TGFBR2: variants seen among roughly 807,000 people sequenced by gnomAD.
The protein encoded by TGFBR2 is TGF-beta receptor type-2.
A neutral mutation model predicts 49.0 loss-of-function variants in TGFBR2; 18 were observed. The observed-to-expected ratio is 0.37, with a 90% CI of 0.25 to 0.54. TGFBR2 has a LOEUF of 0.54. Ranked by LOEUF, TGFBR2 falls within the 20% of genes least tolerant of loss-of-function variation. The pLI is 0.85. For synonymous variants in TGFBR2, 282 were observed against 275.9 expected, an observed-to-expected ratio of 1.02 and a Z score of -0.22; for missense variants, 525 against 722.6, an observed-to-expected ratio of 0.73 and a Z score of 3.13.
In TGFBR2 at chr3:30,622,879, C is replaced by CAAA. The variant is rs10575244; in HGVS notation, c.94+15927_94+15929dup. Among the ~76,000 whole-genome samples, 310 of 75,658 alleles carry CAAA rather than the reference C, an allele frequency of 4.1e-3. 6 individuals carry two copies. The highest frequency in any genetic ancestry group is 0.021 in the Middle Eastern group (2 of 94). The allele number at this position is 75,658 out of a possible 152,430, so 49.6% of individuals were successfully genotyped here. A position where few individuals can be genotyped will look rare whatever the true frequency, so the allele number is the denominator to read the frequency against. ...TGGGCAACAGAGCGAGACTTTGTCTCAAAAAAAAAAAAAAAAAAAAAAAAA... is the reference window on the plus strand; with the variant it reads ...TGGGCAACAGAGCGAGACTTTGTCTCAAAAAAAAAAAAAAAAAAAAAAAAAAAA... On this transcript the variant is annotated intron_variant, in intron 1 of 6. Transcript: ENST00000295754.
At chr3:30,668,366 G>A (rs913011706) in intron 3 of TGFBR2, among the ~76,000 whole-genome samples, 4 of 152,172 alleles carry the variant, frequency 2.6e-5, no homozygotes, top group African/African-American at 7.2e-5. Flanking sequence ...CACAGAGACC[G>A]GAGACAAGTG....
At chr3:30,659,960 G>T (rs1172434275) in intron 3 of TGFBR2, among the ~76,000 whole-genome samples, 1 of 152,048 alleles carries the variant, frequency 6.6e-6, no homozygotes, top group Non-Finnish European at 1.5e-5. Context: ...TACTCCAGAG[G>T]CTGTATTCAC....
At chr3:30,609,292 T>C (rs148995136) in intron 1 of TGFBR2, among the ~76,000 whole-genome samples, 4 of 152,352 alleles carry the variant, frequency 2.6e-5, no homozygotes, top group Non-Finnish European at 5.9e-5. Context: ...TAATTTTTCA[T>C]GTAAGTAAAT....
intron 3 of TGFBR2, among the ~76,000 whole-genome samples, chr3:30,658,347 A>T (rs920743490): frequency 1.2e-4 from 18 of 152,198 alleles, no homozygotes; most frequent in Admixed American, 1.2e-3. Flanking sequence ...TCCATTTGTC[A>T]TAATTATAGC....
At chr3:30,628,061 T>G (rs769736917) in intron 1 of TGFBR2, among the ~76,000 whole-genome samples, 41 of 151,866 alleles carry the variant, frequency 2.7e-4, no homozygotes, top group Admixed American at 5.2e-4. Context: ...AAATACTACT[T>G]AGTAGTGCAC....
At chr3:30,624,157 TAAAC>T (rs1165951828) in intron 1 of TGFBR2, among the ~76,000 whole-genome samples, 3 of 151,018 alleles carry the variant, frequency 2.0e-5, no homozygotes, top group African/African-American at 4.9e-5. Flanking sequence ...AACAAACAAA[TAAAC>T]AAAATATAGA....
At chr3:30,677,958 T>C (rs1354439746) in intron 5 of TGFBR2, among the ~76,000 whole-genome samples, 1 of 152,268 alleles carries the variant, frequency 6.6e-6, no homozygotes, top group Non-Finnish European at 1.5e-5. Context: ...GGGAAGGATG[T>C]AAAAGGTCTT....
intron 5 of TGFBR2, among the ~76,000 whole-genome samples, chr3:30,683,721 A>T (rs17026240): frequency 0.12 from 18,983 of 152,260 alleles, 1,316 homozygotes; most frequent in East Asian, 0.32. Context: ...TTGGACCCAA[A>T]GATTTTGCCA....
intron 3 of TGFBR2, chr3:30,661,629 A>C (rs1396110659): frequency 3.9e-6 from 2 of 511,288 alleles, no homozygotes; most frequent in African/African-American, 3.9e-5. Flanking sequence ...TGAAGACCCC[A>C]GGGTTTAGAG....
intron 5 of TGFBR2, among the ~76,000 whole-genome samples, chr3:30,677,830 TG>T (rs1428771586): frequency 6.6e-6 from 1 of 152,224 alleles, no homozygotes; most frequent in Admixed American, 6.5e-5. Context: ...AACAGTTGTT[TG>T]TTTCCTCTCC....
chr3:30,608,412 T>A (rs1000540768), intron 1 of TGFBR2, among the ~76,000 whole-genome samples: 8 of 152,124 alleles, frequency 5.3e-5, no homozygotes, highest in African/African-American at 1.9e-4. Context: ...ACATCTTACG[T>A]ATCGTGCCCC....
chr3:30,647,426 G>A (rs949692330), intron 2 of TGFBR2, among the ~76,000 whole-genome samples: 2 of 152,098 alleles, frequency 1.3e-5, no homozygotes, highest in East Asian at 3.9e-4. Flanking sequence ...AACTCTCACA[G>A]CCTCAAGGTC....
chr3:30,688,903 A>G (rs1336250113), intron 6 of TGFBR2, among the ~76,000 whole-genome samples: 1 of 152,230 alleles, frequency 6.6e-6, no homozygotes, highest in African/African-American at 2.4e-5. Context: ...GGAAATACTT[A>G]GCAGATGCAA....
intron 3 of TGFBR2, among the ~76,000 whole-genome samples, chr3:30,663,281 C>G (rs1039937384): frequency 1.6e-4 from 12 of 77,162 alleles, no homozygotes; most frequent in African/African-American, 6.0e-4. Context: ...CAGATTTCTT[C>G]AAGGTTAATG....
Position 30,668,910 on chromosome 3 carries a change from G to C in TGFBR2, c.455-2728G>C, listed in dbSNP as rs190623505. 1.1e-3 allele frequency among the ~76,000 whole-genome samples: 171 copies of C among 152,074 alleles called. 2 individuals are homozygous for C. The Middle Eastern group carries it at 0.017, about 15-fold the overall frequency. ...CCACTCAGACTTACCTTAAGAACAAGTAATCATATTACACATAAACCTTAA... is the reference window on the plus strand; with the variant it reads ...CCACTCAGACTTACCTTAAGAACAACTAATCATATTACACATAAACCTTAA... On this transcript the variant is annotated intron_variant, in intron 3 of 6. Transcript: ENST00000295754.
chr3:30,642,599 A>T (rs1324625909), intron 1 of TGFBR2, among the ~76,000 whole-genome samples: 1 of 152,212 alleles, frequency 6.6e-6, no homozygotes, highest in Non-Finnish European at 1.5e-5. Context: ...AAGTAATGGA[A>T]ATTTGGTTTT....
chr3:30,666,645 C>G (rs1161374589), intron 3 of TGFBR2, among the ~76,000 whole-genome samples: 1 of 140,860 alleles, frequency 7.1e-6, no homozygotes, highest in African/African-American at 2.6e-5. Context: ...CCCCCATCCC[C>G]GCCCGCACAA....
intron 1 of TGFBR2, among the ~76,000 whole-genome samples, chr3:30,628,706 A>C (rs1698382762): frequency 6.6e-6 from 1 of 152,030 alleles, no homozygotes; most frequent in Non-Finnish European, 1.5e-5. Flanking sequence ...CCTTACATTT[A>C]TCTTGGGCTC....
Position 30,607,046 on chromosome 3 carries a change from C to G in TGFBR2, c.94+69C>G, listed in dbSNP as rs1463755321. On this transcript the variant is annotated intron_variant, in intron 1 of 6. Transcript: ENST00000295754. ...TCCTGGGGTCCCCGCCTCTCCGCTG[C>G]GCTTGACAGTCGGGCCCGGCAACCC... 15 of 1,374,572 alleles carry G rather than the reference C, an allele frequency of 1.1e-5. No homozygotes were observed. The East Asian group carries it at 1.9e-4, about 17-fold the overall frequency. 85.1% of individuals were successfully genotyped at this position (1,374,572 alleles called of 1,614,324 possible). A position where few individuals can be genotyped will look rare whatever the true frequency, so the allele number is the denominator to read the frequency against.
Sources: gnomAD v4.1 joint callset for allele counts (sites outside exome capture counted in the v4.1 genomes callset) on GRCh38, gnomAD v4.1.1 for gene constraint, MANE v1.5 for transcripts, NCBI Gene and HGNC (gene_info 2026-07-23, HGNC 2026-07-21) for gene names.